The following AGBL1 variants were observed in gnomAD, a reference collection of about 807,000 sequenced individuals.
The protein encoded by AGBL1 is cytosolic carboxypeptidase 4.
A neutral mutation model predicts 118.9 loss-of-function variants in AGBL1; 130 were observed. The observed-to-expected ratio is 1.09, with a 90% CI of 0.95 to 1.26. The LOEUF (loss-of-function observed/expected upper bound fraction) is 1.26, where lower values mean the gene tolerates loss of function less well. Ranked by LOEUF, AGBL1 falls within the 50% of genes most tolerant of loss-of-function variation. The pLI, the probability that AGBL1 is intolerant of heterozygous loss-of-function variation, is 0.00. For missense variants in AGBL1, 1,584 were observed against 1,298.1 expected, an observed-to-expected ratio of 1.22 and a Z score of -3.38; for synonymous variants, 555 against 478.9, an observed-to-expected ratio of 1.16 and a Z score of -2.08.
rs1399491823 is a variant in AGBL1, at chr15:86,686,464, G to T, written c.3158+12028G>T. On this transcript the variant is annotated intron_variant, in intron 22 of 22. Transcript: ENST00000614907. ...TAAGTTTTTTTTTTTTTTTTTTTGA[G>T]ATGAAGTCTTGCCCTGTCACTGGAG... Among the ~76,000 whole-genome samples the T allele has an allele frequency of 3.1e-4, 33 of 107,136 alleles. 1 individual carries two copies. The Admixed American group carries it at 3.5e-3, about 11-fold the overall frequency. The allele number at this position is 107,136 out of a possible 152,430, so 70.3% of individuals were successfully genotyped here.
At chr15:86,114,820 G>A (rs1897654580) in intron 1 of AGBL1, among the ~76,000 whole-genome samples, 5 of 152,186 alleles carry the variant, frequency 3.3e-5, no homozygotes, top group Admixed American at 3.3e-4. Context: ...ATCCTATAAC[G>A]AGATGCTGAG....
At chr15:86,917,977 C>T (rs1048215074), downstream of AGBL1, among the ~76,000 whole-genome samples, 3 of 152,186 alleles carry the variant, frequency 2.0e-5, no homozygotes, top group Admixed American at 2.0e-4. This position sits in a 1 kb window ranked among gnomAD's most constrained non-coding sequence, Gnocchi z 4.8. Context: ...TACTCCCAAG[C>T]AGCTGGGTTC....
chr15:86,650,471 T>A (rs924442310), intron 21 of AGBL1, among the ~76,000 whole-genome samples: 9 of 152,202 alleles, frequency 5.9e-5, no homozygotes, highest in African/African-American at 2.2e-4. Context: ...TAAGCTACTG[T>A]TATTGTGGTT....
intron 17 of AGBL1, among the ~76,000 whole-genome samples, chr15:86,396,111 G>T (rs897237762): frequency 7.5e-5 from 11 of 147,116 alleles, no homozygotes; most frequent in African/African-American, 2.8e-4. Context: ...ATCTATGTGT[G>T]TGTGTATATA....
intron 23 of AGBL1, among the ~76,000 whole-genome samples, chr15:86,936,548 G>C (rs1274567561): frequency 2.6e-5 from 4 of 152,238 alleles, no homozygotes; most frequent in East Asian, 1.9e-4. Context: ...ACAAGTAATG[G>C]GGAAAAGCCT....
At chr15:86,841,366 A>G (rs187555364) in intron 22 of AGBL1, among the ~76,000 whole-genome samples, 5 of 152,346 alleles carry the variant, frequency 3.3e-5, no homozygotes, top group Admixed American at 1.3e-4. Flanking sequence ...ATAGGTGCAC[A>G]ATTCTATTTG....
chr15:86,825,684 G>GAAGAGAGGGAGGGAGGGAGGGAGAAAGC (rs1221527882), intron 22 of AGBL1, among the ~76,000 whole-genome samples: 3 of 122,952 alleles, frequency 2.4e-5, no homozygotes, highest in Non-Finnish European at 5.0e-5. Flanking sequence ...AGGAAGGAAG[G>GAAGAGAGGGAGGGAGGGAGGGAGAAAGC]GAGAGAGGGA....
intron 22 of AGBL1, among the ~76,000 whole-genome samples, chr15:86,682,151 G>A (rs1044324030): frequency 2.6e-5 from 4 of 152,214 alleles, no homozygotes; most frequent in African/African-American, 9.6e-5. Flanking sequence ...TTCTATAGTT[G>A]CAGGCAAATA....
At chr15:86,880,743 A>C (rs966209830) in intron 22 of AGBL1, among the ~76,000 whole-genome samples, 21 of 151,958 alleles carry the variant, frequency 1.4e-4, no homozygotes, top group Admixed American at 1.3e-3. Context: ...GTGTGTGTGC[A>C]TATGTATGTG....
intron 2 of AGBL1, among the ~76,000 whole-genome samples, chr15:86,142,952 T>C (rs567169200): frequency 3.2e-4 from 48 of 152,338 alleles, no homozygotes; most frequent in African/African-American, 1.2e-3. Context: ...ATGGTCGTCT[T>C]TGATAATGTA....
At chr15:86,953,627 G>T (rs1306775681) in intron 23 of AGBL1, among the ~76,000 whole-genome samples, 1 of 152,022 alleles carries the variant, frequency 6.6e-6, no homozygotes, top group East Asian at 1.9e-4. Context: ...CTGAGCTCAA[G>T]CAATCCACCC....
intron 19 of AGBL1, among the ~76,000 whole-genome samples, chr15:86,542,352 T>G (rs1216306819): frequency 7.7e-6 from 1 of 129,242 alleles, no homozygotes; most frequent in Non-Finnish European, 1.6e-5. Flanking sequence ...ATGCCACCAT[T>G]GAGATTTTTT....
At chr15:86,958,942 T>A (rs2080961081) in intron 23 of AGBL1, among the ~76,000 whole-genome samples, 1 of 152,122 alleles carries the variant, frequency 6.6e-6, no homozygotes, top group East Asian at 1.9e-4. Context: ...AAAGTATACT[T>A]ACAGTAAGGT....
intron 22 of AGBL1, among the ~76,000 whole-genome samples, chr15:86,785,372 T>G (rs958105173): frequency 2.3e-5 from 3 of 131,998 alleles, no homozygotes; most frequent in South Asian, 2.9e-4. Context: ...TTTTTTTTTT[T>G]TTTTTTGTTT....
intron 16 of AGBL1, among the ~76,000 whole-genome samples, chr15:86,290,056 A>G (rs1051438464): frequency 6.6e-6 from 1 of 152,282 alleles, no homozygotes; most frequent in Admixed American, 6.5e-5. Flanking sequence ...TAATATTACT[A>G]TATCGATGTA....
chr15:86,534,051 A>T (rs2083387272), intron 19 of AGBL1, among the ~76,000 whole-genome samples: 1 of 129,140 alleles, frequency 7.7e-6, no homozygotes, highest in Non-Finnish European at 1.6e-5. Flanking sequence ...AGCATGGCAC[A>T]TGTATACATA....
chr15:86,707,068 T>C (rs962311059), intron 22 of AGBL1, among the ~76,000 whole-genome samples: 11 of 152,164 alleles, frequency 7.2e-5, no homozygotes, highest in African/African-American at 2.7e-4. Flanking sequence ...GTCCCTGAGC[T>C]GTAAGTCTCT....
At chr15:86,685,977 A>G (rs542185277) in intron 22 of AGBL1, among the ~76,000 whole-genome samples, 36 of 152,242 alleles carry the variant, frequency 2.4e-4, no homozygotes, top group African/African-American at 7.9e-4. Context: ...TATATGTGAA[A>G]GTAAGTCCCA....
intron 17 of AGBL1, among the ~76,000 whole-genome samples, chr15:86,298,246 AATAT>A (rs59968237): frequency 0.32 from 22,554 of 69,676 alleles, 4,232 homozygotes; most frequent in Admixed American, 0.44. Context: ...GTCTGTGTAT[AATAT>A]ATATATATAT....
Sources: allele counts gnomAD v4.1 joint callset (sites outside exome capture counted in the v4.1 genomes callset), GRCh38; gene constraint gnomAD v4.1.1; non-coding constraint Gnocchi (gnomAD v3.1); transcripts MANE v1.5; gene names NCBI Gene and HGNC (gene_info 2026-07-23, HGNC 2026-07-21).